UNKL: variants seen among roughly 807,000 people sequenced by gnomAD.
UNKL encodes the protein unk like zinc finger.
A neutral mutation model predicts 78.0 loss-of-function variants in UNKL; 60 were observed. The ratio of observed to expected loss-of-function variants is 0.77; its 90% CI spans 0.63 to 0.95. The LOEUF (loss-of-function observed/expected upper bound fraction) is 0.95, where lower values mean the gene tolerates loss of function less well. UNKL is among the 40% of genes least tolerant of loss of function. The probability of loss-of-function intolerance (pLI) is 0.00; values close to 1 mark genes in which losing one functional copy is unlikely to be tolerated. For synonymous variants in UNKL, 608 were observed against 474.8 expected (o/e 1.28, Z -3.65); for missense variants, 1,159 against 1,045.7 (o/e 1.11, Z -1.49).
chr16:1,390,433 C>A (rs2036999186), intron 9 of UNKL, among the ~76,000 whole-genome samples, 199 bp downstream of exon 9: 1 of 152,220 alleles, frequency 6.6e-6, no homozygotes. Context: ...TTCAAACAGA[C>A]AAACACGGGG....
At position 1,387,405 on chromosome 16, in the gene UNKL, T is replaced by A. The variant is rs944544918; in HGVS notation, c.1087-2020A>T. 2.6e-5 allele frequency among the ~76,000 whole-genome samples: 4 copies of A among 152,142 alleles called. No individual in the cohort carries two copies. Among genetic ancestry groups the A allele is most frequent in the Non-Finnish European group, 5.9e-5 (4 of 67,996 alleles). On this transcript the variant is annotated intron_variant, in intron 9 of 14. Transcript: ENST00000389221. The surrounding 1 kb of genome is among the most constrained non-coding windows in gnomAD (Gnocchi z 4.1). The stretch of plus-strand genomic sequence containing the variant: ...CGCCCCCTATCCCTTGCACTTCCTG[T>A]CCCTGCTTCAGACCCTCAGTGTGGC...
chr16:1,411,975 C>T (rs1354534994), intron 2 of UNKL: 3 of 152,190 alleles, frequency 2.0e-5, no homozygotes, highest in African/African-American at 7.2e-5. Context: ...TCACAAGGAT[C>T]TCCGTGCTGA....
intron 2 of UNKL, among the ~76,000 whole-genome samples, chr16:1,407,813 G>A (rs549572940): frequency 6.6e-6 from 1 of 152,330 alleles, no homozygotes; most frequent in East Asian, 1.9e-4. Context: ...CAGGGCCACA[G>A]TGCAGGAGCG....
intron 10 of UNKL, among the ~76,000 whole-genome samples, chr16:1,372,083 C>T (rs1242854210): frequency 2.7e-5 from 3 of 109,356 alleles, no homozygotes; most frequent in Middle Eastern, 4.5e-3. Context: ...GGTGAAACCC[C>T]GTCTCAACCA....
At position 1,366,306 on chromosome 16, in the gene UNKL, G is replaced by A. The variant is rs550485336; in HGVS notation, c.2136C>T (p.Leu712=). ...AVLRPCQHHI[L]CEPCAATAPE... is the part of the protein sequence containing the mutation. ...GTGCGGTGGCCGCACACGGCTCACA[G>A]AGGATGTGGTGCTGACAGGGCCGCA... is the stretch of plus-strand genomic sequence containing the variant. The change falls in exon 15 of 15, where the codon CTC becomes CTT. Residue 712 remains leucine (L), a synonymous_variant. Coordinates refer to ENST00000389221, the MANE Select transcript of UNKL (RefSeq NM_001372107.1). The A allele has an allele frequency of 1.6e-5, 25 of 1,601,948 alleles. 1 individual carries two copies. The highest frequency in any genetic ancestry group is 1.3e-4 in the African/African-American group (10 of 74,878).
At chr16:1,383,551 C>T (rs756291880) in intron 10 of UNKL, 24 of 341,742 alleles carry the variant, frequency 7.0e-5, no homozygotes, top group Middle Eastern at 4.0e-4. Flanking sequence ...AGTGTCCTGC[C>T]GATGTGTGGT....
chr16:1,384,250 G>A (rs1193183664), intron 10 of UNKL, among the ~76,000 whole-genome samples: 3 of 120,168 alleles, frequency 2.5e-5, no homozygotes, highest in Non-Finnish European at 3.4e-5. Context: ...ACCCCAACAC[G>A]GCAGGTGTCC....
chr16:1,371,989 G>A (rs1223440598), intron 10 of UNKL, among the ~76,000 whole-genome samples: 1 of 152,148 alleles, frequency 6.6e-6, no homozygotes, highest in Non-Finnish European at 1.5e-5. Flanking sequence ...GGGTGCGGTG[G>A]CTCACACCTG....
intron 2 of UNKL, among the ~76,000 whole-genome samples, chr16:1,411,106 T>G (rs2038019449): frequency 6.6e-6 from 1 of 152,086 alleles, no homozygotes; most frequent in Non-Finnish European, 1.5e-5. Context: ...ATCCTAGCAC[T>G]CTGGGAGGCT....
intron 10 of UNKL, among the ~76,000 whole-genome samples, chr16:1,377,762 G>C (rs1274007244): frequency 2.0e-5 from 3 of 152,150 alleles, no homozygotes; most frequent in African/African-American, 7.2e-5. Context: ...CCCTGGCAAA[G>C]GATCCCTTGC....
chr16:1,379,292 T>C (rs965508264), intron 10 of UNKL: 12 of 197,892 alleles, frequency 6.1e-5, no homozygotes, highest in Non-Finnish European at 1.1e-4. Flanking sequence ...CCCGCCCCGT[T>C]CCCCTGCCCT....
At chr16:1,384,309 C>T (rs1372466937) in intron 10 of UNKL, among the ~76,000 whole-genome samples, 7 of 151,378 alleles carry the variant, frequency 4.6e-5, no homozygotes, top group African/African-American at 1.7e-4. Context: ...GGACCAAGGA[C>T]ACACACAGCC....
At chr16:1,392,090 A>C (rs948439717) in intron 8 of UNKL, among the ~76,000 whole-genome samples, 2 of 152,220 alleles carry the variant, frequency 1.3e-5, no homozygotes, top group African/African-American at 4.8e-5. Context: ...CCATGGCATC[A>C]AACCCCAAAC....
intron 11 of UNKL, among the ~76,000 whole-genome samples, chr16:1,370,855 G>A (rs201062728): frequency 5.3e-5 from 8 of 151,794 alleles, no homozygotes; most frequent in Admixed American, 6.6e-5. Context: ...AGGCCAAGGC[G>A]GGCAGATCAC....
intron 1 of UNKL, 93 bp downstream of exon 1, chr16:1,414,522 G>A (rs1020607323): frequency 7.9e-5 from 23 of 289,840 alleles, no homozygotes; most frequent in Admixed American, 1.9e-4. Flanking sequence ...AGGCCGGGGG[G>A]CGCGGGGGCG....
At chr16:1,385,592 G>A (rs530467649) in intron 9 of UNKL, among the ~76,000 whole-genome samples, 1 of 152,368 alleles carries the variant, frequency 6.6e-6, no homozygotes, top group Admixed American at 6.5e-5. Context: ...GGTGCACTTG[G>A]GACAGGCACA....
intron 5 of UNKL, 53 bp from the exon 6 acceptor site, chr16:1,397,348 C>T: frequency 2.5e-6 from 1 of 400,466 alleles, no homozygotes; most frequent in Non-Finnish European, 3.5e-6. Context: ...CCCCGCCCCC[C>T]ACCCCCGTGC....
Position 1,399,893 on chromosome 16 carries a change from T to C in UNKL, c.599-384A>G, listed in dbSNP as rs1207987815. ...CACAGCTTTTGAGAATATGCTAAAA[T>C]CCAGAGACATGCACACCCCGAAATG... On this transcript the variant is annotated intron_variant, in intron 4 of 14. Transcript: ENST00000389221. This position sits in a 1 kb window ranked among gnomAD's most constrained non-coding sequence, Gnocchi z 5.8. 6.6e-6 allele frequency among the ~76,000 whole-genome samples: 1 copy of C among 151,962 alleles called. No homozygotes were observed. The highest frequency in any genetic ancestry group is 2.4e-5 in the African/African-American group (1 of 41,350).
intron 1 of UNKL, 62 bp downstream of exon 1, chr16:1,414,553 G>T: frequency 1.3e-6 from 1 of 746,914 alleles, no homozygotes. Context: ...CGCGAGCCCC[G>T]GCGGGAGGCT....
Sources: gnomAD v4.1 joint callset for allele counts (sites outside exome capture counted in the v4.1 genomes callset) on GRCh38, gnomAD v4.1.1 for gene constraint, Gnocchi (gnomAD v3.1) non-coding constraint, MANE v1.5 for transcripts, NCBI Gene and HGNC (gene_info 2026-07-23, HGNC 2026-07-21) for gene names.